Variants in JARID2 observed in about 807,000 individuals in gnomAD.
JARID2 encodes jumonji and AT-rich interaction domain containing 2.
In JARID2, 21 loss-of-function variants were observed where a neutral mutation model predicts 125.6. That is an observed-to-expected ratio of 0.17 (90% CI 0.12 to 0.24). The LOEUF is 0.24. Ranked by LOEUF, JARID2 falls within the 10% of genes least tolerant of loss-of-function variation. The pLI is 1.00. For missense variants in JARID2, 1,303 were observed against 1,639.6 expected (o/e 0.79, Z 3.55); for synonymous variants, 736 against 661.6 (o/e 1.11, Z -1.73).
chr6:15,513,811 C>A (rs992105665), intron 16 of JARID2, among the ~76,000 whole-genome samples: 1 of 152,278 alleles, frequency 6.6e-6, no homozygotes, highest in Non-Finnish European at 1.5e-5. Flanking sequence ...CTGCCATTCC[C>A]TGTGGCCTGT....
chr6:15,334,771 A>G (rs1450628980), intron 1 of JARID2, among the ~76,000 whole-genome samples: 2 of 152,232 alleles, frequency 1.3e-5, no homozygotes, highest in East Asian at 3.8e-4. Context: ...CAAAGTCACA[A>G]TAAAACTTGG....
intron 1 of JARID2, among the ~76,000 whole-genome samples, chr6:15,362,709 A>G (rs1763841212): frequency 6.6e-6 from 1 of 152,124 alleles, no homozygotes; most frequent in Non-Finnish European, 1.5e-5. Flanking sequence ...GGTGACATGG[A>G]TGGTGTCAAA....
At position 15,520,967 on chromosome 6, in the gene JARID2, CATG is replaced by C. The variant is rs1381981446; in HGVS notation, c.*718_*720del. On this transcript the variant is annotated 3_prime_UTR_variant, in exon 18 of 18. Coordinates refer to ENST00000341776, the MANE Select transcript of JARID2 (RefSeq NM_004973.4). ...AAGACTGCCTGCCTTGGAGGGGTCA[CATG>C]AGGGAGACCTGTGCCTGATTTCATT... 3.0e-6 allele frequency: 1 copy of C among 337,330 alleles called. No homozygotes were observed. Among genetic ancestry groups the C allele is most frequent in the Admixed American group, 3.4e-5 (1 of 29,504 alleles). The allele number at this position is 337,330 out of a possible 1,614,324, so 20.9% of individuals were successfully genotyped here. A position where few individuals can be genotyped will look rare whatever the true frequency, so the allele number is the denominator to read the frequency against.
intron 1 of JARID2, among the ~76,000 whole-genome samples, chr6:15,262,188 T>C (rs1323825782): frequency 6.6e-6 from 1 of 151,952 alleles, no homozygotes; most frequent in Non-Finnish European, 1.5e-5. Context: ...TTTCTTATTT[T>C]AAAATTTTTA....
At chr6:15,343,705 A>G (rs150219313) in intron 1 of JARID2, among the ~76,000 whole-genome samples, 6 of 152,338 alleles carry the variant, frequency 3.9e-5, no homozygotes, top group African/African-American at 1.4e-4. Context: ...TATCTTTGAC[A>G]GAAGCAGGGT....
At chr6:15,302,417 G>GA (rs149565432) in intron 1 of JARID2, among the ~76,000 whole-genome samples, 12,483 of 147,996 alleles carry the variant, frequency 0.084, 627 homozygotes, top group South Asian at 0.18. Context: ...TCTGTCTTGG[G>GA]AAAAAAAAAA....
At chr6:15,519,126 C>T (rs551825266) in intron 17 of JARID2, among the ~76,000 whole-genome samples, 10 of 152,254 alleles carry the variant, frequency 6.6e-5, no homozygotes, top group South Asian at 2.1e-4. Context: ...TCGAGCTGCA[C>T]GCAGGGGAGG....
chr6:15,354,846 G>C (rs139457699), intron 1 of JARID2, among the ~76,000 whole-genome samples: 1 of 152,352 alleles, frequency 6.6e-6, no homozygotes, highest in Non-Finnish European at 1.5e-5. Context: ...GAGTTCCTTA[G>C]ACTGGGGTAT....
chr6:15,520,781 G>A lies in JARID2; in HGVS notation c.*530G>A. 2.2e-6 allele frequency: 1 copy of A among 455,946 alleles called. No homozygotes were observed. Among genetic ancestry groups the A allele is most frequent in the Non-Finnish European group, 4.4e-6 (1 of 226,768 alleles). 28.2% of individuals were successfully genotyped at this position (455,946 alleles called of 1,614,324 possible). On this transcript the variant is annotated 3_prime_UTR_variant, in exon 18 of 18. Coordinates refer to ENST00000341776, the MANE Select transcript of JARID2 (RefSeq NM_004973.4). ...ATGAGCTTGTGATCTGGGAAGCCGG[G>A]GCACCCCCGTTTTGTTTCTCTGGGC...
rs566151047 is a variant in JARID2, at chr6:15,470,495, G to T, written c.670+1777G>T. Among the ~76,000 whole-genome samples, 6 of 152,334 alleles carry T rather than the reference G, an allele frequency of 3.9e-5. No individual in the cohort carries two copies. The East Asian group carries it at 1.2e-3, about 29-fold the overall frequency. On this transcript the variant is annotated intron_variant, in intron 5 of 17. Coordinates refer to ENST00000341776, the MANE Select transcript of JARID2 (RefSeq NM_004973.4). ...TAGCTTAGACATGATTGAAATCTCT[G>T]TCTAGCTTTCATTGTTGTTGGGCAT...
At chr6:15,295,909 C>T (rs1561776845) in intron 1 of JARID2, among the ~76,000 whole-genome samples, 1 of 152,296 alleles carries the variant, frequency 6.6e-6, no homozygotes, top group East Asian at 1.9e-4. Context: ...GATCCACCCT[C>T]CTTGGCCTCC....
intron 12 of JARID2, chr6:15,509,476 G>A (rs1771170824): frequency 2.4e-6 from 1 of 421,670 alleles, no homozygotes; most frequent in Non-Finnish European, 3.2e-6. Context: ...TCCCACATGG[G>A]TCTGTGTGCC....
At chr6:15,316,672 T>C (rs55980198) in intron 1 of JARID2, among the ~76,000 whole-genome samples, 8,520 of 152,146 alleles carry the variant, frequency 0.056, 326 homozygotes, top group South Asian at 0.11. Context: ...CCAGCTAATT[T>C]TTATATTTTT....
chr6:15,488,498 T>C (rs1313949783), intron 6 of JARID2, among the ~76,000 whole-genome samples: 1 of 152,160 alleles, frequency 6.6e-6, no homozygotes, highest in Non-Finnish European at 1.5e-5. Flanking sequence ...CTATGATCCT[T>C]AAAGGTAGCT....
intron 1 of JARID2, among the ~76,000 whole-genome samples, chr6:15,310,682 G>T (rs889944016): frequency 6.6e-6 from 1 of 152,190 alleles, no homozygotes; most frequent in African/African-American, 2.4e-5. Context: ...AGTGTTCTGA[G>T]ATCTTCCAGG....
chr6:15,249,884 C>T (rs1759375548), intron 1 of JARID2, among the ~76,000 whole-genome samples: 1 of 152,158 alleles, frequency 6.6e-6, no homozygotes, highest in Non-Finnish European at 1.5e-5. Flanking sequence ...TAACTGAAAA[C>T]ATTTGCCTTT....
chr6:15,433,414 G>C (rs56223403), intron 3 of JARID2, among the ~76,000 whole-genome samples: 12,366 of 82,970 alleles, frequency 0.15, 542 homozygotes, highest in Middle Eastern at 0.25. Context: ...GTCTCTCTGT[G>C]TGTGTGTGTG....
rs764214862 is a variant in JARID2 at position 15,521,909 on chromosome 6, G to A, written c.*1658G>A. ...ACAGTTTGACATTTAATTTATTAGC[G>A]CTGCTCTGCACCCCTCCCTTGGGAG... On this transcript the variant is annotated 3_prime_UTR_variant, in exon 18 of 18. Coordinates refer to ENST00000341776, the MANE Select transcript of JARID2 (RefSeq NM_004973.4). 3 of 152,150 alleles carry A rather than the reference G, an allele frequency of 2.0e-5. No homozygotes were observed. Among genetic ancestry groups the A allele is most frequent in the Admixed American group, 6.5e-5 (1 of 15,284 alleles). The allele number at this position is 152,150 out of a possible 1,614,324, so 9.4% of individuals were successfully genotyped here. A position where few individuals can be genotyped will look rare whatever the true frequency, so the allele number is the denominator to read the frequency against.
chr6:15,310,084 T>C (rs1330501455), intron 1 of JARID2, among the ~76,000 whole-genome samples: 1 of 152,190 alleles, frequency 6.6e-6, no homozygotes, highest in East Asian at 1.9e-4. Context: ...CAGGGAGGCT[T>C]TCCCAGGTTG....
Sources: allele counts gnomAD v4.1 joint callset (sites outside exome capture counted in the v4.1 genomes callset), GRCh38; gene constraint gnomAD v4.1.1; transcripts MANE v1.5; gene names NCBI Gene and HGNC (gene_info 2026-07-23, HGNC 2026-07-21).